The following TTC12 variants were observed in gnomAD, a reference collection of about 807,000 sequenced individuals.
The protein encoded by TTC12 is tetratricopeptide repeat domain 12.
In TTC12, 70 loss-of-function variants were observed where a neutral mutation model predicts 90.1. The observed-to-expected ratio is 0.78, with a 90% CI of 0.64 to 0.95. The LOEUF is 0.95. Among genes scored for constraint, TTC12 ranks in the 40% least tolerant of loss-of-function variants. The probability of loss-of-function intolerance (pLI) is 0.00; values close to 1 mark genes in which losing one functional copy is unlikely to be tolerated. For missense variants in TTC12, 819 were observed against 846.1 expected (o/e 0.97, Z 0.40); for synonymous variants, 296 against 311.5 (o/e 0.95, Z 0.53).
chr11:113,356,646 AATTTCCTCACC>A (rs1565620915), intron 16 of TTC12, among the ~76,000 whole-genome samples: 1 of 151,438 alleles, frequency 6.6e-6, no homozygotes, highest in East Asian at 1.9e-4. Context: ...GGTGATAATG[AATTTCCTCACC>A]ATTTGCTTAT....
chr11:113,353,614 T>C (rs1472243077), intron 16 of TTC12, among the ~76,000 whole-genome samples: 1 of 152,240 alleles, frequency 6.6e-6, no homozygotes, highest in Non-Finnish European at 1.5e-5. Context: ...TTTAAGTCTT[T>C]ATTCCATCTT....
chr11:113,320,153 C>G (rs6589369), intron 2 of TTC12, among the ~76,000 whole-genome samples: 7 of 151,834 alleles, frequency 4.6e-5, no homozygotes, highest in Non-Finnish European at 7.4e-5. Context: ...ACAACTGATA[C>G]GGGTAGGAGA....
chr11:113,348,322 T>A (rs1279561155), intron 13 of TTC12, among the ~76,000 whole-genome samples: 1 of 152,208 alleles, frequency 6.6e-6, no homozygotes, highest in African/African-American at 2.4e-5. Context: ...ATCCATAAGA[T>A]AGTATGCTGC....
Position 113,366,235 on chromosome 11 carries a change from CA to C in TTC12, c.2055del (p.Gln685HisfsTer2). 6.2e-7 allele frequency: 1 copy of C among 1,613,372 alleles called. No homozygotes were observed. The highest frequency in any genetic ancestry group is 8.5e-7 in the Non-Finnish European group (1 of 1,180,026). ...TTTTGATTGTGACAGATTTGCTGCT[CA>C]ACTGAGAAAGCTTCATGGCCTAGAA... is the stretch of plus-strand genomic sequence containing the variant. ...LCTAEPRFAA[Q>X]LRKLHGLEIL... On this transcript the variant is annotated frameshift_variant, in exon 22 of 22. Transcript: ENST00000529221. LOFTEE classifies it high-confidence loss of function.
intron 2 of TTC12, among the ~76,000 whole-genome samples, chr11:113,321,369 T>G (rs1482752880): frequency 1.3e-5 from 2 of 152,206 alleles, no homozygotes; most frequent in Non-Finnish European, 2.9e-5. Context: ...ATACAGGTAT[T>G]CAATTCAGCA....
intron 2 of TTC12, among the ~76,000 whole-genome samples, chr11:113,320,718 G>A (rs1477580405): frequency 5.9e-5 from 9 of 152,232 alleles, no homozygotes; most frequent in African/African-American, 2.2e-4. Flanking sequence ...TCCGCAGATG[G>A]CAGGGCTAAA....
In TTC12 at chr11:113,344,328, C is replaced by T. The variant is rs1948833059; in HGVS notation, c.1042C>T (p.Leu348Phe). ...TGACAGGGCCAGGCTGTTGGCCGCC[C>T]TCTTGTCCTCCAAGGTCCTGGCCAT... ...HHDRARLLAA[L>F]LSSKVLAIRQ... The change falls in exon 13 of 22, where the codon CTC (leucine) becomes TTC (phenylalanine). Residue 348 changes from leucine (L) to phenylalanine (F), a missense_variant. Transcript: ENST00000529221. 6.2e-7 allele frequency: 1 copy of T among 1,614,226 alleles called. No individual in the cohort carries two copies. Among genetic ancestry groups the T allele is most frequent in the Non-Finnish European group, 8.5e-7 (1 of 1,180,022 alleles).
intron 18 of TTC12, among the ~76,000 whole-genome samples, chr11:113,361,661 G>A (rs1426185774): frequency 2.0e-5 from 3 of 152,122 alleles, no homozygotes; most frequent in Non-Finnish European, 4.4e-5. Context: ...CTAGTATACG[G>A]GGGTGCCACC....
At chr11:113,350,478 A>G (rs1555149809) in intron 14 of TTC12, among the ~76,000 whole-genome samples, 1 of 152,194 alleles carries the variant, frequency 6.6e-6, no homozygotes, top group Non-Finnish European at 1.5e-5. Context: ...TGCCTGGTAC[A>G]TAGGAGCTGC....
At chr11:113,346,901 G>C (rs1443198951) in intron 13 of TTC12, among the ~76,000 whole-genome samples, 1 of 152,134 alleles carries the variant, frequency 6.6e-6, no homozygotes, top group Admixed American at 6.5e-5. Flanking sequence ...TTACATGAAA[G>C]CATTTTCTCA....
downstream of TTC12, chr11:113,368,605 T>C (rs1950290628): frequency 1.9e-6 from 2 of 1,043,632 alleles, no homozygotes; most frequent in African/African-American, 3.2e-5. Flanking sequence ...CTGCTCACTG[T>C]CTTCATACAT....
chr11:113,324,735 G>A, intron 5 of TTC12, 53 bp downstream of exon 5: 1 of 1,495,886 alleles, frequency 6.7e-7, no homozygotes, highest in South Asian at 1.2e-5. Context: ...GCTAGAAAGA[G>A]CACACGAAGG....
At chr11:113,332,207 C>T (rs1325148388) in intron 7 of TTC12, among the ~76,000 whole-genome samples, 1 of 152,194 alleles carries the variant, frequency 6.6e-6, no homozygotes, top group Non-Finnish European at 1.5e-5. Flanking sequence ...ATACATCTTC[C>T]TCTGAAGGCA....
At chr11:113,324,726 C>G in intron 5 of TTC12, 44 bp downstream of exon 5, 1 of 1,556,036 alleles carries the variant, frequency 6.4e-7, no homozygotes, top group Non-Finnish European at 8.8e-7. Flanking sequence ...ATGATTTGTG[C>G]TAGAAAGAGC....
chr11:113,363,326 G>A (rs1308002153), intron 19 of TTC12, among the ~76,000 whole-genome samples: 3 of 152,222 alleles, frequency 2.0e-5, no homozygotes, highest in Non-Finnish European at 2.9e-5. Flanking sequence ...ACGTGCATAC[G>A]TGCACACATG....
intron 13 of TTC12, among the ~76,000 whole-genome samples, chr11:113,349,077 T>C (rs1555149157): frequency 1.3e-5 from 2 of 152,238 alleles, no homozygotes. Flanking sequence ...ACCTCAGAAC[T>C]GACCACATTG....
At chr11:113,370,565 T>C (rs1292675290), downstream of TTC12, among the ~76,000 whole-genome samples, 2 of 152,278 alleles carry the variant, frequency 1.3e-5, no homozygotes, top group Non-Finnish European at 2.9e-5. Flanking sequence ...GGCAAAATGA[T>C]GAAGGAGTTC....
Position 113,364,916 on chromosome 11 carries a change from T to G in TTC12, c.1898T>G (p.Met633Arg). ...GCTGCCCTCTGCCTTGGTAACTGCA[T>G]GGAGGTGCCCAACGTTGCGTCTTCC... ...GNAALCLGNCMEVPNVASSLL... is the reference protein window; with the variant it reads ...GNAALCLGNCREVPNVASSLL... Residue 633 changes from methionine (M) to arginine (R), a missense_variant, in exon 21 of 22, where the codon ATG becomes AGG. Coordinates refer to ENST00000529221, the MANE Select transcript of TTC12 (RefSeq NM_017868.4). The G allele has an allele frequency of 1.9e-6, 3 of 1,614,226 alleles. No individual in the cohort carries two copies. Among genetic ancestry groups the G allele is most frequent in the Non-Finnish European group, 2.5e-6 (3 of 1,180,042 alleles).
In TTC12 at chr11:113,344,250, A is replaced by C. The variant is rs781832761; in HGVS notation, c.986-22A>C. ...ATTGCCATGATGGCATGCACAAGAC[A>C]CACAACCTCTGTGTTTTGCAGAGGA... is the stretch of plus-strand genomic sequence containing the variant. On this transcript the variant is annotated intron_variant, in intron 12 of 21. Coordinates refer to ENST00000529221, the MANE Select transcript of TTC12 (RefSeq NM_017868.4). 9 of 1,600,092 alleles carry C rather than the reference A, an allele frequency of 5.6e-6. No individual in the cohort carries two copies. In the South Asian group the frequency reaches 9.0e-5, roughly 16 times the overall value.
Sources: gnomAD v4.1 joint callset for allele counts (sites outside exome capture counted in the v4.1 genomes callset) on GRCh38, gnomAD v4.1.1 for gene constraint, MANE v1.5 for transcripts, NCBI Gene and HGNC (gene_info 2026-07-23, HGNC 2026-07-21) for gene names.